Variants in ZDHHC14 observed in about 807,000 individuals in gnomAD.
The protein encoded by ZDHHC14 is zDHHC palmitoyltransferase 14.
In ZDHHC14, 16 loss-of-function variants were observed where a neutral mutation model predicts 47.7. The observed-to-expected ratio is 0.34, with a 90% CI of 0.23 to 0.51. The LOEUF is 0.51. Among genes scored for constraint, ZDHHC14 ranks in the 20% least tolerant of loss-of-function variants. The pLI is 0.97. For synonymous variants in ZDHHC14, 293 were observed against 278.9 expected (o/e 1.05, Z -0.50); for missense variants, 515 against 662.5 (o/e 0.78, Z 2.44).
At chr6:157,549,835 A>C (rs375377627) in intron 2 of ZDHHC14, among the ~76,000 whole-genome samples, 9 of 152,312 alleles carry the variant, frequency 5.9e-5, no homozygotes, top group East Asian at 1.9e-4. Context: ...AGCCAGTGTT[A>C]TTTATTCTTC....
At chr6:157,641,195 G>A (rs1436416552) in intron 5 of ZDHHC14, among the ~76,000 whole-genome samples, 1 of 152,164 alleles carries the variant, frequency 6.6e-6, no homozygotes, top group African/African-American at 2.4e-5. Context: ...AAGAAATGAA[G>A]TAGTGAATTT....
At chr6:157,470,637 T>C (rs1779331257) in intron 1 of ZDHHC14, among the ~76,000 whole-genome samples, 1 of 152,266 alleles carries the variant, frequency 6.6e-6, no homozygotes, top group African/African-American at 2.4e-5. Context: ...ATGTTATTTA[T>C]ATAGTTTTAA....
intron 5 of ZDHHC14, among the ~76,000 whole-genome samples, chr6:157,638,008 G>T (rs1036721517): frequency 6.6e-6 from 1 of 152,164 alleles, no homozygotes; most frequent in Non-Finnish European, 1.5e-5. Flanking sequence ...GAAAGGAACC[G>T]AGTAGCTTCT....
chr6:157,438,567 C>T (rs1411226763), intron 1 of ZDHHC14, among the ~76,000 whole-genome samples: 1 of 152,214 alleles, frequency 6.6e-6, no homozygotes, highest in Non-Finnish European at 1.5e-5. Flanking sequence ...TGTGAATTTG[C>T]AAATGTGAGG....
chr6:157,546,331 G>T (rs1333226862), intron 2 of ZDHHC14, among the ~76,000 whole-genome samples: 1 of 152,238 alleles, frequency 6.6e-6, no homozygotes, highest in Admixed American at 6.5e-5. Flanking sequence ...ACTTTTTATG[G>T]TTAGAGTTAT....
intron 1 of ZDHHC14, among the ~76,000 whole-genome samples, chr6:157,506,145 T>C (rs1484815307): frequency 6.6e-6 from 1 of 152,240 alleles, no homozygotes; most frequent in African/African-American, 2.4e-5. Flanking sequence ...GTAAGTTCTA[T>C]TTCTGGTGTC....
At chr6:157,476,775 C>T (rs1053379724) in intron 1 of ZDHHC14, among the ~76,000 whole-genome samples, 3 of 152,104 alleles carry the variant, frequency 2.0e-5, no homozygotes, top group Admixed American at 6.5e-5. Flanking sequence ...AAATATAATA[C>T]ACCACATTAA....
At chr6:157,634,693 G>A (rs1294504305) in intron 5 of ZDHHC14, among the ~76,000 whole-genome samples, 1 of 152,226 alleles carries the variant, frequency 6.6e-6, no homozygotes, top group African/African-American at 2.4e-5. Flanking sequence ...CACATATGTG[G>A]CAGCTTCAGC....
chr6:157,558,926 G>A (rs1782589628), intron 2 of ZDHHC14, among the ~76,000 whole-genome samples: 1 of 151,796 alleles, frequency 6.6e-6, no homozygotes, highest in Non-Finnish European at 1.5e-5. Flanking sequence ...CCCAACCTCG[G>A]AGGGTGGATT....
intron 1 of ZDHHC14, among the ~76,000 whole-genome samples, chr6:157,499,662 G>GA (rs1780150839): frequency 6.6e-6 from 1 of 152,226 alleles, no homozygotes. Context: ...ATGCTCCTGG[G>GA]ATGACAGCAA....
At chr6:157,640,883 G>A (rs574782770) in intron 5 of ZDHHC14, among the ~76,000 whole-genome samples, 2 of 152,196 alleles carry the variant, frequency 1.3e-5, no homozygotes, top group Non-Finnish European at 2.9e-5. Flanking sequence ...CCCTTCCTCC[G>A]TTCTGCTGTA....
Position 157,574,475 on chromosome 6 carries a change from G to A in ZDHHC14, c.407-18513G>A, listed in dbSNP as rs963787769. Among the ~76,000 whole-genome samples, 30 of 152,014 alleles carry A rather than the reference G, an allele frequency of 2.0e-4. 1 individual carries two copies. Among genetic ancestry groups the A allele is most frequent in the Admixed American group, 1.7e-3 (26 of 15,272 alleles). ...TGCTGAATACTTACCTCCAGCCTAG[G>A]CCCTTCCTCTGAGGTCCAATTCTGC... On this transcript the variant is annotated intron_variant, in intron 2 of 8. Transcript: ENST00000359775.
chr6:157,665,449 T>C lies in ZDHHC14; in HGVS notation c.1069-7275T>C, dbSNP rs147534000. 7.4e-3 allele frequency among the ~76,000 whole-genome samples: 1,131 copies of C among 152,282 alleles called. 15 individuals carry two copies. Among genetic ancestry groups the C allele is most frequent in the African/African-American group, 0.026 (1,068 of 41,552 alleles). ...TTTAGCATCAGACTCAGCATGTTCA[T>C]TTGCAGAGGAGAGAAAGGCTGGTGG... On this transcript the variant is annotated intron_variant, in intron 8 of 8. Coordinates refer to ENST00000359775, the MANE Select transcript of ZDHHC14 (RefSeq NM_024630.3).
chr6:157,625,908 C>G (rs1482759872), intron 3 of ZDHHC14, among the ~76,000 whole-genome samples: 1 of 152,156 alleles, frequency 6.6e-6, no homozygotes, highest in Non-Finnish European at 1.5e-5. Flanking sequence ...AGTTCACACT[C>G]ATCTCTAAGA....
At chr6:157,489,551 T>G (rs1416501468) in intron 1 of ZDHHC14, among the ~76,000 whole-genome samples, 1 of 147,516 alleles carries the variant, frequency 6.8e-6, no homozygotes, top group Non-Finnish European at 1.5e-5. Context: ...TGGGTGTAGG[T>G]GCAGTCTCGA....
intron 1 of ZDHHC14, among the ~76,000 whole-genome samples, chr6:157,460,057 C>CAAAAAA (rs35995673): frequency 1.7e-5 from 2 of 118,232 alleles, no homozygotes. Flanking sequence ...ACTAAAAATA[C>CAAAAAA]AAAAAAAAAA....
intron 1 of ZDHHC14, among the ~76,000 whole-genome samples, chr6:157,437,565 A>G (rs1167666139): frequency 6.6e-6 from 1 of 152,198 alleles, no homozygotes; most frequent in Non-Finnish European, 1.5e-5. Flanking sequence ...GGATCAATTC[A>G]CTGGGCTCAC....
intron 6 of ZDHHC14, among the ~76,000 whole-genome samples, 198 bp from the exon 7 acceptor site, chr6:157,647,061 T>C (rs1027999998): frequency 2.0e-5 from 3 of 152,266 alleles, no homozygotes; most frequent in African/African-American, 4.8e-5. Flanking sequence ...GAGAATGTTA[T>C]TCTTTCCCTA....
chr6:157,522,987 T>TTCCTTCCTTCCTTC (rs1562461116), intron 1 of ZDHHC14, among the ~76,000 whole-genome samples: 39 of 35,482 alleles, frequency 1.1e-3, no homozygotes, highest in African/African-American at 6.7e-3. Context: ...TTTCTTTTTC[T>TTCCTTCCTTCCTTC]TTTCTTTTCT....
Sources: allele counts gnomAD v4.1 joint callset (sites outside exome capture counted in the v4.1 genomes callset), GRCh38; gene constraint gnomAD v4.1.1; transcripts MANE v1.5; gene names NCBI Gene and HGNC (gene_info 2026-07-23, HGNC 2026-07-21).